Variants in NIBAN2 observed in about 807,000 individuals in gnomAD.
NIBAN2 encodes protein Niban 2.
Under a neutral mutation model 81.8 loss-of-function variants are expected in NIBAN2, and 36 were observed. The ratio of observed to expected loss-of-function variants is 0.44; its 90% CI spans 0.34 to 0.58. The LOEUF is 0.58. Among genes scored for constraint, NIBAN2 ranks in the 20% least tolerant of loss-of-function variants. The probability of loss-of-function intolerance (pLI) is 0.02; values close to 1 mark genes in which losing one functional copy is unlikely to be tolerated. For synonymous variants in NIBAN2, 445 were observed against 441.6 expected, an observed-to-expected ratio of 1.01 and a Z score of -0.10; for missense variants, 897 against 1,014.1, an observed-to-expected ratio of 0.88 and a Z score of 1.57.
rs541396770 is a variant in NIBAN2 at position 127,546,414 on chromosome 9, G to A, written c.56-14636C>T. ...CTGCTGTGGCTCGTGCACATTGGCA[G>A]GTGCCCCCCACGGGCCTGGACACCT... On this transcript the variant is annotated intron_variant, in intron 1 of 13. Coordinates refer to ENST00000373312, the MANE Select transcript of NIBAN2 (RefSeq NM_022833.4). Among the ~76,000 whole-genome samples the A allele has an allele frequency of 2.1e-4, 32 of 152,192 alleles. No homozygotes were observed. The East Asian group carries it at 5.5e-3, about 26-fold the overall frequency.
Position 127,508,287 on chromosome 9 carries a change from GC to G in NIBAN2, c.1435-88del, listed in dbSNP as rs1226405774. ...GGACGAGGCCAGTGGTCTGACCCAA[GC>G]CTCCGAGTCCTCATCCGCACAAGAG... On this transcript the variant is annotated intron_variant, in intron 11 of 13. Transcript: ENST00000373312. The surrounding 1 kb of genome is among the most constrained non-coding windows in gnomAD (Gnocchi z 6.4). The G allele has an allele frequency of 1.5e-5, 20 of 1,347,008 alleles. No individual in the cohort carries two copies. The highest frequency in any genetic ancestry group is 1.8e-5 in the Non-Finnish European group (17 of 951,024). 83.4% of individuals were successfully genotyped at this position (1,347,008 alleles called of 1,614,324 possible).
intron 5 of NIBAN2, among the ~76,000 whole-genome samples, chr9:127,521,678 C>G (rs879387279): frequency 6.6e-5 from 10 of 152,148 alleles, no homozygotes; most frequent in Admixed American, 5.9e-4. Context: ...GGCCTGAAAC[C>G]AGCCTCGTCA....
At chr9:127,548,314 C>G (rs1837511804) in intron 1 of NIBAN2, among the ~76,000 whole-genome samples, 1 of 152,192 alleles carries the variant, frequency 6.6e-6, no homozygotes, top group Non-Finnish European at 1.5e-5. Flanking sequence ...CTCGACCGAC[C>G]ACAGCCCCCC....
chr9:127,510,384 C>A (rs748116114), intron 8 of NIBAN2, 51 bp from the exon 9 acceptor site: 3 of 1,433,500 alleles, frequency 2.1e-6, no homozygotes, highest in Non-Finnish European at 2.8e-6. Context: ...GAGCACCTCC[C>A]AGCCATCCCA....
In NIBAN2 at chr9:127,568,990, GCTCCCGCC is replaced by G. The variant is rs1837909147; in HGVS notation, c.-124_-117del. 1 of 1,114,316 alleles carries G rather than the reference GCTCCCGCC, an allele frequency of 9.0e-7. No individual in the cohort carries two copies. 69.0% of individuals were successfully genotyped at this position (1,114,316 alleles called of 1,614,324 possible). On this transcript the variant is annotated 5_prime_UTR_variant, in exon 1 of 14. Coordinates refer to ENST00000373312, the MANE Select transcript of NIBAN2 (RefSeq NM_022833.4). ...CCGCCCTGCTTCCCCCGCTCCCGCC[GCTCCCGCC>G]GCTCCCGCCGCCCGGCTGCGGCTTC...
At chr9:127,569,392 G>A (rs911145768), upstream of NIBAN2, among the ~76,000 whole-genome samples, 2 of 151,734 alleles carry the variant, frequency 1.3e-5, no homozygotes, top group Non-Finnish European at 2.9e-5. Flanking sequence ...TGCGAAGAGC[G>A]CACCCGCCCT....
intron 4 of NIBAN2, 118 bp from the exon 5 acceptor site, chr9:127,523,964 A>AG: frequency 8.7e-7 from 1 of 1,146,520 alleles, no homozygotes; most frequent in African/African-American, 1.5e-5. Flanking sequence ...AGAGAAGGCC[A>AG]GCCTGTCCCA....
At position 127,507,600 on chromosome 9, in the gene NIBAN2, C is replaced by T. The variant is rs1564292477; in HGVS notation, c.1655-169G>A. ...AAGCAGCAAGGCCGTGATGCTATCT[C>T]CAGGCCCAGGCTGCTGACCACATGT... On this transcript the variant is annotated intron_variant, in intron 13 of 13. Transcript: ENST00000373312. The surrounding 1 kb of genome is among the most constrained non-coding windows in gnomAD (Gnocchi z 6.8). Among the ~76,000 whole-genome samples the T allele has an allele frequency of 6.6e-6, 1 of 152,200 alleles. No homozygotes were observed. Among genetic ancestry groups the T allele is most frequent in the Non-Finnish European group, 1.5e-5 (1 of 68,024 alleles).
chr9:127,511,084 G>A (rs530657245), intron 8 of NIBAN2, among the ~76,000 whole-genome samples: 18 of 151,970 alleles, frequency 1.2e-4, no homozygotes, highest in Admixed American at 2.6e-4. Flanking sequence ...TCGTGCTGTC[G>A]CCCAGTCTGG....
chr9:127,538,183 C>T (rs771971995), intron 1 of NIBAN2, among the ~76,000 whole-genome samples: 17 of 152,228 alleles, frequency 1.1e-4, no homozygotes, highest in Middle Eastern at 6.8e-3. Context: ...GCTCTGCTCC[C>T]CATATGACTG....
In NIBAN2 at chr9:127,508,020, G is replaced by A; in HGVS notation, c.1543-42C>T. On this transcript the variant is annotated intron_variant, in intron 12 of 13. Transcript: ENST00000373312. This position sits in a 1 kb window ranked among gnomAD's most constrained non-coding sequence, Gnocchi z 6.4. ...GCAGAGATGAGAGGTCAGGGCCAAG[G>A]GTAGAGGGAGGCCTGTGGGCTCCAT... 6.2e-7 allele frequency: 1 copy of A among 1,611,720 alleles called. No individual in the cohort carries two copies. The highest frequency in any genetic ancestry group is 8.5e-7 in the Non-Finnish European group (1 of 1,177,924).
intron 1 of NIBAN2, among the ~76,000 whole-genome samples, chr9:127,566,098 C>T (rs1333565958): frequency 6.6e-6 from 1 of 151,942 alleles, no homozygotes; most frequent in Non-Finnish European, 1.5e-5. Flanking sequence ...TGCCACTGCA[C>T]TCCAGCCTGG....
chr9:127,554,548 C>CTTTTTTTTTTTTTTTTTTTTT (rs1230242603), intron 1 of NIBAN2, among the ~76,000 whole-genome samples: 2 of 103,706 alleles, frequency 1.9e-5, no homozygotes, highest in Non-Finnish European at 1.8e-5. Context: ...TTTTCTTTTT[C>CTTTTTTTTTTTTTTTTTTTTT]TTTTTTTTTT....
intron 1 of NIBAN2, among the ~76,000 whole-genome samples, chr9:127,551,945 G>T (rs1391696630): frequency 6.6e-6 from 1 of 152,176 alleles, no homozygotes; most frequent in Non-Finnish European, 1.5e-5. Context: ...CATGAGCTCA[G>T]CCAGCAGCAG....
At chr9:127,569,232 T>A, upstream of NIBAN2, 1 of 315,454 alleles carries the variant, frequency 3.2e-6, no homozygotes, top group Non-Finnish European at 4.1e-6. Flanking sequence ...TGCACCCCCC[T>A]GCGCCCCACC....
intron 1 of NIBAN2, among the ~76,000 whole-genome samples, chr9:127,534,838 T>C (rs1294265269): frequency 2.0e-5 from 3 of 152,108 alleles, no homozygotes; most frequent in Non-Finnish European, 4.4e-5. Context: ...AGGGGGCAAA[T>C]GGAAGAGAGT....
At chr9:127,553,540 T>C (rs1410129925) in intron 1 of NIBAN2, among the ~76,000 whole-genome samples, 1 of 152,202 alleles carries the variant, frequency 6.6e-6, no homozygotes, top group African/African-American at 2.4e-5. Flanking sequence ...CAACCATCCC[T>C]GTGCTACAGA....
At position 127,508,831 on chromosome 9, in the gene NIBAN2, G is replaced by A; in HGVS notation, c.1317+145C>T. 1 of 934,726 alleles carries A rather than the reference G, an allele frequency of 1.1e-6. No individual in the cohort carries two copies. 57.9% of individuals were successfully genotyped at this position (934,726 alleles called of 1,614,324 possible). On this transcript the variant is annotated intron_variant, in intron 10 of 13. Coordinates refer to ENST00000373312, the MANE Select transcript of NIBAN2 (RefSeq NM_022833.4). This position sits in a 1 kb window ranked among gnomAD's most constrained non-coding sequence, Gnocchi z 6.4. Reference sequence around the variant, plus strand: ...AATTAGCCAGGTGGGCAGAGGCACAGATGTTCCAAGCAGAGGAGGAGAGAG... The same window carrying A: ...AATTAGCCAGGTGGGCAGAGGCACAAATGTTCCAAGCAGAGGAGGAGAGAG...
chr9:127,566,899 A>T (rs1479599658), intron 1 of NIBAN2, among the ~76,000 whole-genome samples: 1 of 64,366 alleles, frequency 1.6e-5, no homozygotes, highest in African/African-American at 5.9e-5. Context: ...CCAACACCCC[A>T]CCCCCCCACA....
Sources: allele counts gnomAD v4.1 joint callset (sites outside exome capture counted in the v4.1 genomes callset), GRCh38; gene constraint gnomAD v4.1.1; non-coding constraint Gnocchi (gnomAD v3.1); transcripts MANE v1.5; gene names NCBI Gene and HGNC (gene_info 2026-07-23, HGNC 2026-07-21).